Variants in DCAF6 observed in about 807,000 individuals in gnomAD.
DCAF6 encodes DDB1 and CUL4 associated factor 6.
A neutral mutation model predicts 125.1 loss-of-function variants in DCAF6; 54 were observed. That is an observed-to-expected ratio of 0.43 (90% CI 0.35 to 0.54). The LOEUF is 0.54. DCAF6 is among the 20% of genes least tolerant of loss of function. DCAF6 has a pLI of 0.01. For synonymous variants in DCAF6, 371 were observed against 390.4 expected, an observed-to-expected ratio of 0.95 and a Z score of 0.58; for missense variants, 934 against 1,161.7, an observed-to-expected ratio of 0.80 and a Z score of 2.85.
At chr1:168,063,488 T>C (rs2101956596) in intron 17 of DCAF6, 133 bp from the exon 18 acceptor site, 1 of 654,962 alleles carries the variant, frequency 1.5e-6, no homozygotes, top group East Asian at 3.5e-5. Context: ...GTTTTTATGC[T>C]TTTGGTTGGG....
At chr1:167,937,188 C>G in intron 1 of DCAF6, 180 bp downstream of exon 1, 1 of 612,294 alleles carries the variant, frequency 1.6e-6, no homozygotes, top group Non-Finnish European at 3.0e-6. Flanking sequence ...GTCAAGCCCC[C>G]TGTGCATGCT....
chr1:168,033,356 C>A (rs1296724675), intron 12 of DCAF6, among the ~76,000 whole-genome samples: 2 of 148,346 alleles, frequency 1.3e-5, no homozygotes, highest in Non-Finnish European at 3.0e-5. Context: ...TCGCCCAGGC[C>A]GGACTGCGGA....
intron 11 of DCAF6, among the ~76,000 whole-genome samples, chr1:168,019,290 C>T (rs1007854365): frequency 5.3e-5 from 8 of 152,052 alleles, no homozygotes; most frequent in African/African-American, 1.9e-4. Flanking sequence ...CCTTGTGATC[C>T]ACCCACTGCA....
At chr1:168,065,821 T>A in intron 19 of DCAF6, 75 bp downstream of exon 19, 1 of 1,333,666 alleles carries the variant, frequency 7.5e-7, no homozygotes, top group Non-Finnish European at 1.0e-6. Context: ...TATTCTTTTT[T>A]AATTGTTAAT....
the DCAF6 span, among the ~76,000 whole-genome samples, chr1:167,913,099 T>C: frequency 6.6e-6 from 1 of 152,284 alleles, no homozygotes; most frequent in African/African-American, 2.4e-5. Context: ...GTTCAGCCAA[T>C]TCTATCACAT....
At chr1:167,928,319 G>GAA in the DCAF6 span, among the ~76,000 whole-genome samples, 65 of 91,474 alleles carry the variant, frequency 7.1e-4, no homozygotes, top group African/African-American at 1.7e-3. Flanking sequence ...CTGCACTCCA[G>GAA]AAAAAAAAAA....
At chr1:168,056,842 A>G (rs1312205864) in intron 17 of DCAF6, among the ~76,000 whole-genome samples, 1 of 152,262 alleles carries the variant, frequency 6.6e-6, no homozygotes, top group Non-Finnish European at 1.5e-5. Context: ...ACTACATTCT[A>G]GACAAGTATT....
the DCAF6 span, among the ~76,000 whole-genome samples, chr1:167,900,316 C>G: frequency 2.0e-5 from 3 of 152,148 alleles, no homozygotes; most frequent in African/African-American, 7.2e-5. Flanking sequence ...ATTCTACATA[C>G]AGTTTGTTTT....
the DCAF6 span, among the ~76,000 whole-genome samples, chr1:167,929,084 C>A: frequency 6.6e-6 from 1 of 152,198 alleles, no homozygotes; most frequent in Non-Finnish European, 1.5e-5. Context: ...TTAGGCCGGG[C>A]GTGGTGGCTC....
At chr1:167,877,000 G>A in the DCAF6 span, among the ~76,000 whole-genome samples, 64 of 152,164 alleles carry the variant, frequency 4.2e-4, no homozygotes, top group African/African-American at 1.4e-3. Flanking sequence ...CCCCAGGCAC[G>A]TGAATAAGCC....
At chr1:168,039,904 A>T (rs1015300626) in intron 13 of DCAF6, among the ~76,000 whole-genome samples, 1 of 151,752 alleles carries the variant, frequency 6.6e-6, no homozygotes, top group African/African-American at 2.4e-5. Flanking sequence ...ATACTATTGG[A>T]TATCTTCTAT....
At chr1:168,032,728 T>C (rs559824681) in intron 12 of DCAF6, among the ~76,000 whole-genome samples, 1 of 152,318 alleles carries the variant, frequency 6.6e-6, no homozygotes, top group Non-Finnish European at 1.5e-5. Flanking sequence ...TTTTCACATG[T>C]TCCACAGCTT....
chr1:168,005,813 CAG>C (rs1338904253), intron 10 of DCAF6, among the ~76,000 whole-genome samples: 2 of 152,082 alleles, frequency 1.3e-5, no homozygotes, highest in Non-Finnish European at 2.9e-5. Flanking sequence ...GAATAAAAGC[CAG>C]AGTCAGTTAC....
chr1:168,042,550 GT>G (rs374765934), intron 13 of DCAF6, among the ~76,000 whole-genome samples: 19 of 151,868 alleles, frequency 1.3e-4, no homozygotes, highest in African/African-American at 4.4e-4. Flanking sequence ...AGAACTGGAA[GT>G]GATCCACAGG....
chr1:168,075,069 G>A (rs983470838), intron 21 of DCAF6, among the ~76,000 whole-genome samples: 6 of 152,170 alleles, frequency 3.9e-5, no homozygotes, highest in Non-Finnish European at 5.9e-5. Context: ...TGCAGCACCT[G>A]ATGTACCTCC....
chr1:167,875,966 A>C, the DCAF6 span, among the ~76,000 whole-genome samples: 1 of 151,788 alleles, frequency 6.6e-6, no homozygotes, highest in African/African-American at 2.4e-5. Context: ...AAGAAAAAAA[A>C]GGACTACTGG....
At chr1:168,053,955 CT>C (rs952377058) in intron 17 of DCAF6, among the ~76,000 whole-genome samples, 5 of 152,124 alleles carry the variant, frequency 3.3e-5, no homozygotes, top group African/African-American at 1.2e-4. Context: ...TATCCCTTAC[CT>C]TTATTTACTA....
intron 21 of DCAF6, among the ~76,000 whole-genome samples, chr1:168,074,665 G>T (rs1420312319): frequency 6.6e-6 from 1 of 152,134 alleles, no homozygotes; most frequent in Non-Finnish European, 1.5e-5. Flanking sequence ...GGAGGAGGGA[G>T]TTCATAATTC....
chr1:168,070,079 A>G (rs187315804), intron 21 of DCAF6, among the ~76,000 whole-genome samples: 171 of 152,234 alleles, frequency 1.1e-3, no homozygotes, highest in Non-Finnish European at 2.2e-3. Flanking sequence ...TAATGTAGCA[A>G]TGGTTGGTTA....
Sources: allele counts gnomAD v4.1 joint callset (sites outside exome capture counted in the v4.1 genomes callset), GRCh38; gene constraint gnomAD v4.1.1; transcripts MANE v1.5; gene names NCBI Gene and HGNC (gene_info 2026-07-23, HGNC 2026-07-21).